The following NEU3 variants were observed in gnomAD, a reference collection of about 807,000 sequenced individuals.
NEU3 encodes the protein sialidase-3.
A neutral mutation model predicts 11.4 loss-of-function variants in NEU3; 10 were observed. The ratio of observed to expected loss-of-function variants is 0.88; its 90% CI spans 0.54 to 1.49. The LOEUF (loss-of-function observed/expected upper bound fraction) is 1.49, where lower values mean the gene tolerates loss of function less well. NEU3 is among the 40% of genes most tolerant of loss of function. NEU3 has a pLI of 0.00. For synonymous variants in NEU3, 212 were observed against 228.2 expected (o/e 0.93, Z 0.64); for missense variants, 529 against 581.8 (o/e 0.91, Z 0.93).
At chr11:75,017,230 G>T (rs1948984129) in intron 3 of NEU3, among the ~76,000 whole-genome samples, 1 of 152,182 alleles carries the variant, frequency 6.6e-6, no homozygotes, top group South Asian at 2.1e-4. Flanking sequence ...CAAATGGGAG[G>T]GCATAGGTCT....
Position 74,994,542 on chromosome 11 carries a change from A to G in NEU3, c.128A>G (p.Asn43Ser), listed in dbSNP as rs1948765805. 6.2e-7 allele frequency: 1 copy of G among 1,613,442 alleles called. No individual in the cohort carries two copies. The highest frequency in any genetic ancestry group is 2.2e-5 in the East Asian group (1 of 44,874). Residue 43 changes from asparagine (N) to serine (S), a missense_variant, in exon 2 of 3, where the codon AAC becomes AGC. Coordinates refer to ENST00000294064, the MANE Select transcript of NEU3 (RefSeq NM_006656.6). The part of the protein sequence containing the change: ...VMEEVTTCSF[N>S]SPLFRQEDDR... ...GAAGAAGTGACAACATGCTCCTTCA[A>G]CAGCCCTCTGTTCCGGCAGGAAGAT...
chr11:74,989,270 C>A (rs983060174), intron 1 of NEU3, 116 bp downstream of exon 1: 2 of 819,210 alleles, frequency 2.4e-6, no homozygotes, highest in African/African-American at 3.5e-5. Context: ...GACAGAGCCA[C>A]CTAGTCGGCT....
chr11:74,985,616 C>T (rs1209171859), upstream of NEU3, among the ~76,000 whole-genome samples: 3 of 152,142 alleles, frequency 2.0e-5, no homozygotes, highest in African/African-American at 7.2e-5. Flanking sequence ...CGCGACTCAG[C>T]ATATATGACT....
At chr11:74,994,812 A>C in intron 2 of NEU3, 92 bp downstream of exon 2, 1 of 1,204,914 alleles carries the variant, frequency 8.3e-7, no homozygotes, top group Non-Finnish European at 1.2e-6. Flanking sequence ...TCATCAGTAC[A>C]GGAAAGCCCT....
At chr11:74,998,176 A>G (rs11820284) in intron 2 of NEU3, among the ~76,000 whole-genome samples, 2 of 152,222 alleles carry the variant, frequency 1.3e-5, no homozygotes, top group African/African-American at 4.8e-5. Context: ...TTCACCATGT[A>G]ATATGGGCAC....
the NEU3 span, among the ~76,000 whole-genome samples, chr11:74,981,255 T>A: frequency 3.3e-5 from 5 of 152,112 alleles, no homozygotes; most frequent in Admixed American, 3.3e-4. Flanking sequence ...GTTGTCAGGC[T>A]CTTAGTGCCA....
Position 75,005,864 on chromosome 11 carries a change from C to T in NEU3, c.758C>T (p.Pro253Leu). Residue 253 changes from proline to leucine, a missense_variant, in exon 3 of 3, where the codon CCC becomes CTC. Transcript: ENST00000294064. The part of the protein sequence containing the change: ...VTWHHGRLIR[P>L]MVTVECEVAE... ...TGGCACCATGGTAGACTCATTAGGC[C>T]CATGGTTACAGTAGAATGTGAAGTG... 1 of 1,613,820 alleles carries T rather than the reference C, an allele frequency of 6.2e-7. No individual in the cohort carries two copies. Among genetic ancestry groups the T allele is most frequent in the Non-Finnish European group, 8.5e-7 (1 of 1,179,874 alleles).
intron 2 of NEU3, among the ~76,000 whole-genome samples, chr11:74,995,482 A>G (rs1770838899): frequency 6.6e-6 from 1 of 152,212 alleles, no homozygotes; most frequent in African/African-American, 2.4e-5. Flanking sequence ...GATCCCAAAT[A>G]GGCATACGTC....
chr11:75,000,719 G>A (rs1307401339), intron 2 of NEU3, among the ~76,000 whole-genome samples: 2 of 151,432 alleles, frequency 1.3e-5, no homozygotes, highest in African/African-American at 2.4e-5. Context: ...CTGGGCTCAA[G>A]CAATCCTCTG....
At chr11:74,992,819 G>A (rs1193504747) in intron 1 of NEU3, among the ~76,000 whole-genome samples, 1 of 152,120 alleles carries the variant, frequency 6.6e-6, no homozygotes, top group Non-Finnish European at 1.5e-5. Context: ...AATTAGCTGG[G>A]CGTGCTGGCG....
chr11:75,019,062 G>C (rs986726371), downstream of NEU3, among the ~76,000 whole-genome samples: 2 of 152,158 alleles, frequency 1.3e-5, no homozygotes, highest in Admixed American at 1.3e-4. Flanking sequence ...ATGATTTAAG[G>C]TATCTGGCAG....
Position 75,007,866 on chromosome 11 carries a change from C to T in NEU3, c.*1374C>T, listed in dbSNP as rs1480566017. On this transcript the variant is annotated 3_prime_UTR_variant, in exon 3 of 3. Transcript: ENST00000294064. The stretch of plus-strand genomic sequence containing the variant: ...AGGAGTCTAATGCTTAAACTGGTAT[C>T]AACTAAATATATTTGGTGTTGTACA... 1 of 152,000 alleles carries T rather than the reference C, an allele frequency of 6.6e-6. No homozygotes were observed. The highest frequency in any genetic ancestry group is 6.5e-5 in the Admixed American group (1 of 15,274). 9.4% of individuals were successfully genotyped at this position (152,000 alleles called of 1,614,324 possible). A position where few individuals can be genotyped will look rare whatever the true frequency, so the allele number is the denominator to read the frequency against.
intron 2 of NEU3, 54 bp from the exon 3 acceptor site, chr11:75,005,359 T>C: frequency 6.8e-7 from 1 of 1,462,512 alleles, no homozygotes; most frequent in Non-Finnish European, 9.1e-7. Flanking sequence ...TTTAATGAGC[T>C]TCATGTTTTC....
chr11:75,008,942 C>T lies in NEU3; in HGVS notation c.*2450C>T, dbSNP rs1948928170. On this transcript the variant is annotated 3_prime_UTR_variant, in exon 3 of 3. Transcript: ENST00000294064. ...CACTGTGACGCAGAGATGTATAATA[C>T]CAGTACTCATAAGAGGTCCATCTCT... 6.6e-6 allele frequency: 1 copy of T among 152,070 alleles called. No homozygotes were observed. The highest frequency in any genetic ancestry group is 1.5e-5 in the Non-Finnish European group (1 of 68,032). 9.4% of individuals were successfully genotyped at this position (152,070 alleles called of 1,614,324 possible).
intron 2 of NEU3, among the ~76,000 whole-genome samples, chr11:75,003,042 G>GC (rs1234142668): frequency 6.6e-6 from 1 of 152,142 alleles, no homozygotes; most frequent in African/African-American, 2.4e-5. Flanking sequence ...TTTTGGTACT[G>GC]CGGGCATACA....
chr11:75,014,456 T>C (rs901694832), downstream of NEU3, among the ~76,000 whole-genome samples: 4 of 152,188 alleles, frequency 2.6e-5, no homozygotes, highest in East Asian at 7.7e-4. Context: ...ATGTGGATGT[T>C]CCTTCACACA....
chr11:74,984,870 T>TC (rs1449319501), upstream of NEU3, among the ~76,000 whole-genome samples: 2 of 151,400 alleles, frequency 1.3e-5, no homozygotes, highest in African/African-American at 4.9e-5. Context: ...GTCTGGGAGG[T>TC]CCTCATACAG....
intron 2 of NEU3, among the ~76,000 whole-genome samples, chr11:75,001,028 C>G (rs1458018146): frequency 6.6e-6 from 1 of 151,978 alleles, no homozygotes; most frequent in African/African-American, 2.4e-5. Flanking sequence ...TAATGAGAAA[C>G]TGGCATGCCA....
Position 75,009,034 on chromosome 11 carries a change from C to G in NEU3, c.*2542C>G, listed in dbSNP as rs1326836793. 6.6e-6 allele frequency: 1 copy of G among 152,154 alleles called. No homozygotes were observed. The highest frequency in any genetic ancestry group is 1.5e-5 in the Non-Finnish European group (1 of 68,056). The allele number at this position is 152,154 out of a possible 1,614,324, so 9.4% of individuals were successfully genotyped here. A position where few individuals can be genotyped will look rare whatever the true frequency, so the allele number is the denominator to read the frequency against. The stretch of plus-strand genomic sequence containing the variant: ...TTCTCTTTAATGACTAGCATCGAAA[C>G]TCTTTAAATGGGGCAGGCCTGTGTT... On this transcript the variant is annotated 3_prime_UTR_variant, in exon 3 of 3. Coordinates refer to ENST00000294064, the MANE Select transcript of NEU3 (RefSeq NM_006656.6).
Sources: allele counts gnomAD v4.1 joint callset (sites outside exome capture counted in the v4.1 genomes callset), GRCh38; gene constraint gnomAD v4.1.1; transcripts MANE v1.5; gene names NCBI Gene and HGNC (gene_info 2026-07-23, HGNC 2026-07-21).